The following SLC35F1 variants were observed in gnomAD, a reference collection of about 807,000 sequenced individuals.
The protein encoded by SLC35F1 is chromosome 6 open reading frame 169.
Under a neutral mutation model 48.7 loss-of-function variants are expected in SLC35F1, and 14 were observed. That is an observed-to-expected ratio of 0.29 (90% CI 0.19 to 0.45). The LOEUF (loss-of-function observed/expected upper bound fraction) is 0.45, where lower values mean the gene tolerates loss of function less well. Among genes scored for constraint, SLC35F1 ranks in the 20% least tolerant of loss-of-function variants. The probability of loss-of-function intolerance (pLI) is 1.00; values close to 1 mark genes in which losing one functional copy is unlikely to be tolerated. For missense variants in SLC35F1, 404 were observed against 500.0 expected, an observed-to-expected ratio of 0.81 and a Z score of 1.83; for synonymous variants, 190 against 202.2, an observed-to-expected ratio of 0.94 and a Z score of 0.51.
chr6:117,960,281 G>T (rs1776481676), intron 1 of SLC35F1, among the ~76,000 whole-genome samples: 1 of 150,542 alleles, frequency 6.6e-6, no homozygotes, highest in Admixed American at 6.6e-5. Flanking sequence ...AAACTGTATG[G>T]TTTAGACAGT....
At chr6:118,087,288 G>T (rs548744587) in intron 1 of SLC35F1, among the ~76,000 whole-genome samples, 43 of 152,152 alleles carry the variant, frequency 2.8e-4, no homozygotes, top group African/African-American at 1.0e-3. Context: ...CGTCATATTG[G>T]ATTAGAGCCT....
intron 6 of SLC35F1, among the ~76,000 whole-genome samples, chr6:118,283,839 C>T (rs936613752): frequency 6.6e-6 from 1 of 151,998 alleles, no homozygotes; most frequent in Non-Finnish European, 1.5e-5. Context: ...AAAAACGGTC[C>T]GTTTTTAGAG....
At chr6:118,150,223 T>C (rs534018859) in intron 1 of SLC35F1, among the ~76,000 whole-genome samples, 2 of 152,300 alleles carry the variant, frequency 1.3e-5, no homozygotes, top group South Asian at 4.2e-4. Flanking sequence ...GCTTGGCACA[T>C]AGTAAGAACT....
chr6:118,315,926 TTGAC>T lies in SLC35F1; in HGVS notation c.*1680_*1683del, dbSNP rs1776431630. ...TCAGTATGTGATGTACTCTTTTAGT[TTGAC>T]TGACTTCAATACCATTCAAAAAGAT... On this transcript the variant is annotated 3_prime_UTR_variant, in exon 8 of 8. Coordinates refer to ENST00000360388, the MANE Select transcript of SLC35F1 (RefSeq NM_001029858.4). 1 of 152,230 alleles carries T rather than the reference TTGAC, an allele frequency of 6.6e-6. No homozygotes were observed. The highest frequency in any genetic ancestry group is 2.1e-4 in the South Asian group (1 of 4,836). 9.4% of individuals were successfully genotyped at this position (152,230 alleles called of 1,614,324 possible).
intron 1 of SLC35F1, among the ~76,000 whole-genome samples, chr6:118,145,772 G>A (rs960047890): frequency 1.3e-5 from 2 of 152,064 alleles, no homozygotes; most frequent in Admixed American, 1.3e-4. Flanking sequence ...TGCAGTTTGG[G>A]GGTGTGGGGA....
chr6:117,966,392 G>A (rs934351776), intron 1 of SLC35F1, among the ~76,000 whole-genome samples: 11 of 151,032 alleles, frequency 7.3e-5, no homozygotes, highest in African/African-American at 1.5e-4. Context: ...AACACTCGCC[G>A]CGAAGATCTG....
chr6:118,156,790 A>G (rs906721803), intron 2 of SLC35F1, among the ~76,000 whole-genome samples: 2 of 152,322 alleles, frequency 1.3e-5, no homozygotes, highest in South Asian at 4.1e-4. Context: ...TTCTGAAACT[A>G]TACTGCAAGA....
intron 2 of SLC35F1, among the ~76,000 whole-genome samples, chr6:118,230,708 C>T (rs751834818): frequency 6.6e-5 from 10 of 152,114 alleles, no homozygotes; most frequent in East Asian, 1.9e-4. Flanking sequence ...ATAAGGCTGG[C>T]GTGGTGGCTC....
intron 1 of SLC35F1, among the ~76,000 whole-genome samples, chr6:118,151,527 T>C (rs1395571177): frequency 6.6e-6 from 1 of 152,170 alleles, no homozygotes; most frequent in Non-Finnish European, 1.5e-5. Flanking sequence ...CTTTAATTTT[T>C]TATAAGAGGT....
At chr6:118,106,961 T>C (rs1582669502) in intron 1 of SLC35F1, among the ~76,000 whole-genome samples, 1 of 152,234 alleles carries the variant, frequency 6.6e-6, no homozygotes, top group East Asian at 1.9e-4. Context: ...TCTATATAAA[T>C]AACATTCTAC....
intron 2 of SLC35F1, among the ~76,000 whole-genome samples, chr6:118,215,326 C>T (rs1775057512): frequency 6.6e-6 from 1 of 151,892 alleles, no homozygotes; most frequent in Non-Finnish European, 1.5e-5. Context: ...AAATATGAGG[C>T]AATTTAAAAT....
chr6:118,284,965 TAAG>T (rs997557994), intron 6 of SLC35F1, among the ~76,000 whole-genome samples: 10 of 151,558 alleles, frequency 6.6e-5, no homozygotes, highest in Non-Finnish European at 1.3e-4. Flanking sequence ...AGCAATGCAA[TAAG>T]AAGCAGAAAG....
chr6:118,004,175 A>G (rs1777143884), intron 1 of SLC35F1, among the ~76,000 whole-genome samples: 1 of 152,188 alleles, frequency 6.6e-6, no homozygotes, highest in South Asian at 2.1e-4. Context: ...TACTAAGCTT[A>G]TATTTCTTCT....
At chr6:117,928,922 A>G (rs752867210) in intron 1 of SLC35F1, among the ~76,000 whole-genome samples, 1 of 152,174 alleles carries the variant, frequency 6.6e-6, no homozygotes, top group East Asian at 1.9e-4. Context: ...TTGAATAAAC[A>G]TAGAAATTGA....
chr6:118,028,439 C>T (rs1771989362), intron 1 of SLC35F1, among the ~76,000 whole-genome samples: 1 of 152,002 alleles, frequency 6.6e-6, no homozygotes, highest in Non-Finnish European at 1.5e-5. Context: ...AGATAGTAAA[C>T]AGGTAAGTGA....
At chr6:118,120,562 G>A (rs1313312940) in intron 1 of SLC35F1, among the ~76,000 whole-genome samples, 2 of 152,106 alleles carry the variant, frequency 1.3e-5, no homozygotes, top group Admixed American at 6.6e-5. Context: ...TTTAGTCCCT[G>A]TGAACATGAA....
At chr6:118,286,775 C>CTG (rs372641234) in intron 7 of SLC35F1, among the ~76,000 whole-genome samples, 12,255 of 143,506 alleles carry the variant, frequency 0.085, 800 homozygotes, top group African/African-American at 0.19. Flanking sequence ...TACCTTTTTT[C>CTG]TGTGTGTGTG....
chr6:118,222,475 C>T (rs994347375), intron 2 of SLC35F1, among the ~76,000 whole-genome samples: 2 of 151,708 alleles, frequency 1.3e-5, no homozygotes, highest in African/African-American at 4.8e-5. Context: ...AGTAACTTGA[C>T]CTTCAAGGCC....
At chr6:117,923,430 G>C (rs1213506042) in intron 1 of SLC35F1, among the ~76,000 whole-genome samples, 1 of 150,786 alleles carries the variant, frequency 6.6e-6, no homozygotes, top group African/African-American at 2.4e-5. Flanking sequence ...AGTGGGTTCA[G>C]TTTAACTTGA....
Sources: gnomAD v4.1 joint callset for allele counts (sites outside exome capture counted in the v4.1 genomes callset) on GRCh38, gnomAD v4.1.1 for gene constraint, MANE v1.5 for transcripts, NCBI Gene and HGNC (gene_info 2026-07-23, HGNC 2026-07-21) for gene names.